Variants in MPRIP observed in about 807,000 individuals in gnomAD.
MPRIP encodes the protein myosin phosphatase Rho interacting protein, also known as myosin phosphatase Rho-interacting protein.
Under a neutral mutation model 234.9 loss-of-function variants are expected in MPRIP, and 59 were observed. The observed-to-expected ratio is 0.25, with a 90% CI of 0.20 to 0.31. The LOEUF is 0.31. Among genes scored for constraint, MPRIP ranks in the 10% least tolerant of loss-of-function variants. The pLI, the probability that MPRIP is intolerant of heterozygous loss-of-function variation, is 1.00. For missense variants in MPRIP, 2,436 were observed against 3,071.0 expected (o/e 0.79, Z 4.89); for synonymous variants, 1,144 against 1,263.9 (o/e 0.91, Z 2.01).
intron 3 of MPRIP, among the ~76,000 whole-genome samples, chr17:17,125,044 G>A (rs540279372): frequency 3.9e-5 from 6 of 152,308 alleles, no homozygotes; most frequent in African/African-American, 1.4e-4. Flanking sequence ...GTCTGAGGCT[G>A]CCTCCTGTAC....
chr17:17,180,485 C>A, intron 23 of MPRIP: 1 of 880,812 alleles, frequency 1.1e-6, no homozygotes, highest in Non-Finnish European at 1.9e-6. Context: ...AGCCAGGAAG[C>A]AGTACATCTT....
At chr17:17,103,986 C>T (rs2144236900) in intron 3 of MPRIP, among the ~76,000 whole-genome samples, 1 of 152,124 alleles carries the variant, frequency 6.6e-6, no homozygotes, top group East Asian at 1.9e-4. Context: ...GAAAGGAACT[C>T]TGTGTGTCCC....
At chr17:17,133,749 G>T (rs763773458) in intron 5 of MPRIP, among the ~76,000 whole-genome samples, 1 of 152,226 alleles carries the variant, frequency 6.6e-6, no homozygotes, top group African/African-American at 2.4e-5. Context: ...CCTTTCAGCT[G>T]AGGGCGGGAG....
rs552084876 is a variant in MPRIP at position 17,092,507 on chromosome 17, G to A, written c.267+14431G>A. Among the ~76,000 whole-genome samples the A allele has an allele frequency of 6.6e-5, 10 of 152,238 alleles. No individual in the cohort carries two copies. In the South Asian group the frequency reaches 1.5e-3, roughly 22 times the overall value. On this transcript the variant is annotated intron_variant, in intron 3 of 23. Coordinates refer to ENST00000651222, the MANE Select transcript of MPRIP (RefSeq NM_001364716.4). ...TCTTAGTAGAGTGGGAGTGGGGGAC[G>A]GAGAGGCCAGAGCCCAGTTGGTGGG...
intron 22 of MPRIP, among the ~76,000 whole-genome samples, chr17:17,178,222 C>T (rs1299639655): frequency 2.0e-5 from 3 of 152,066 alleles, no homozygotes; most frequent in African/African-American, 7.2e-5. Context: ...TGCACCTGGC[C>T]AGATTATACA....
chr17:17,044,626 T>TTA (rs2088287143), intron 1 of MPRIP, among the ~76,000 whole-genome samples: 1 of 152,200 alleles, frequency 6.6e-6, no homozygotes, highest in Non-Finnish European at 1.5e-5. Flanking sequence ...AGTTTCCTGG[T>TTA]TATTCTAAGC....
Position 17,176,410 on chromosome 17 carries a change from C to A in MPRIP, c.6871-16C>A. 6.2e-7 allele frequency: 1 copy of A among 1,600,580 alleles called. No homozygotes were observed. The highest frequency in any genetic ancestry group is 8.6e-7 in the Non-Finnish European group (1 of 1,167,700). ...TTGCTCCTGAATATTGGTCCCTGAT[C>A]TCTCTGTCATTTTAGGTCTTATTGC... On this transcript the variant is annotated splice_polypyrimidine_tract_variant and intron_variant, in intron 20 of 23. Transcript: ENST00000651222.
intron 3 of MPRIP, among the ~76,000 whole-genome samples, chr17:17,103,561 C>A (rs921059485): frequency 3.3e-5 from 5 of 152,124 alleles, no homozygotes; most frequent in Non-Finnish European, 7.4e-5. Flanking sequence ...TTGCAGGAGA[C>A]GGAGGCTTTT....
At chr17:17,128,724 G>A (rs1351005503) in intron 4 of MPRIP, among the ~76,000 whole-genome samples, 2 of 152,132 alleles carry the variant, frequency 1.3e-5, no homozygotes, top group Non-Finnish European at 2.9e-5. Flanking sequence ...CTCGTGATCC[G>A]CCCTCACCTT....
chr17:17,086,556 C>T lies in MPRIP; in HGVS notation c.267+8480C>T, dbSNP rs1047541681. On this transcript the variant is annotated intron_variant, in intron 3 of 23. Coordinates refer to ENST00000651222, the MANE Select transcript of MPRIP (RefSeq NM_001364716.4). The stretch of plus-strand genomic sequence containing the variant: ...GTGGGGCAGGGAGGGCCCTGCTCGA[C>T]TGAGCTTCCTGTAGGCCACTTTGCC... Among the ~76,000 whole-genome samples, 5 of 152,308 alleles carry T rather than the reference C, an allele frequency of 3.3e-5. No individual in the cohort carries two copies. The East Asian group carries it at 9.6e-4, about 29-fold the overall frequency.
intron 1 of MPRIP, among the ~76,000 whole-genome samples, chr17:17,050,777 C>G (rs1399488600): frequency 2.6e-5 from 4 of 152,250 alleles, no homozygotes; most frequent in Non-Finnish European, 5.9e-5. Flanking sequence ...AGTTTAGGGG[C>G]AGAAGGGAGG....
intron 3 of MPRIP, among the ~76,000 whole-genome samples, chr17:17,124,331 C>A (rs546499452): frequency 6.6e-6 from 1 of 152,234 alleles, no homozygotes; most frequent in South Asian, 2.1e-4. Context: ...TCCAGGGGGC[C>A]GGTGGATGAT....
chr17:17,081,426 GAA>G (rs1212794219), intron 3 of MPRIP, among the ~76,000 whole-genome samples: 1 of 152,358 alleles, frequency 6.6e-6, no homozygotes, highest in East Asian at 1.9e-4. Flanking sequence ...GGGCGGGTAG[GAA>G]AAGAGAGAAG....
chr17:17,143,407 G>T (rs920623175), intron 8 of MPRIP, 149 bp from the exon 9 acceptor site: 1 of 496,910 alleles, frequency 2.0e-6, no homozygotes. Flanking sequence ...TGGCCCTGCT[G>T]CAGACTTGCT....
intron 10 of MPRIP, 117 bp downstream of exon 10, chr17:17,146,209 C>T (rs527270529): frequency 4.0e-5 from 35 of 882,806 alleles, no homozygotes; most frequent in African/African-American, 3.7e-4. Flanking sequence ...CTCCATGCCC[C>T]TTGTCTTCAT....
Position 17,185,430 on chromosome 17 carries a change from T to C in MPRIP, c.*536T>C. The C allele has an allele frequency of 2.2e-6, 1 of 448,460 alleles. No individual in the cohort carries two copies. Among genetic ancestry groups the C allele is most frequent in the Non-Finnish European group, 4.5e-6 (1 of 221,820 alleles). 27.8% of individuals were successfully genotyped at this position (448,460 alleles called of 1,614,324 possible). On this transcript the variant is annotated 3_prime_UTR_variant, in exon 24 of 24. Transcript: ENST00000651222. The stretch of plus-strand genomic sequence containing the variant: ...CTTCCAGCCCAGGAGGAGGACAGCA[T>C]TTTGTATTTGTTCCACTGATGCAGC...
chr17:17,169,566 T>A (rs2046084684), intron 16 of MPRIP, among the ~76,000 whole-genome samples: 1 of 152,228 alleles, frequency 6.6e-6, no homozygotes, highest in East Asian at 1.9e-4. Flanking sequence ...CAGGTCGGGA[T>A]GAGGCCCCTC....
At chr17:17,174,311 G>A (rs1311521360) in intron 19 of MPRIP, among the ~76,000 whole-genome samples, 7 of 152,242 alleles carry the variant, frequency 4.6e-5, no homozygotes, top group East Asian at 1.9e-4. Flanking sequence ...GTACTGCCAC[G>A]TGCACCACCT....
chr17:17,123,591 C>A (rs2090433536), intron 3 of MPRIP, among the ~76,000 whole-genome samples: 1 of 151,026 alleles, frequency 6.6e-6, no homozygotes, highest in East Asian at 1.9e-4. Context: ...GTAGTCCCAG[C>A]TAGTTGGGAG....
Sources: gnomAD v4.1 joint callset for allele counts (sites outside exome capture counted in the v4.1 genomes callset) on GRCh38, gnomAD v4.1.1 for gene constraint, MANE v1.5 for transcripts, NCBI Gene and HGNC (gene_info 2026-07-23, HGNC 2026-07-21) for gene names.